Variants in NRG1 observed in about 807,000 individuals in gnomAD.
NRG1 encodes pro-neuregulin-1, membrane-bound isoform.
In NRG1, 18 loss-of-function variants were observed where a neutral mutation model predicts 63.8. The observed-to-expected ratio is 0.28, with a 90% CI of 0.19 to 0.42. NRG1 has a LOEUF of 0.42. NRG1 is among the 10% of genes least tolerant of loss of function. NRG1 has a pLI of 1.00. For synonymous variants in NRG1, 302 were observed against 301.3 expected, an observed-to-expected ratio of 1.00 and a Z score of -0.02; for missense variants, 762 against 814.7, an observed-to-expected ratio of 0.94 and a Z score of 0.79.
At chr8:32,409,112 G>A (rs1355696846) in intron 1 of NRG1, among the ~76,000 whole-genome samples, 2 of 152,024 alleles carry the variant, frequency 1.3e-5, no homozygotes, top group East Asian at 1.9e-4. Context: ...GTGTATATAC[G>A]TTACATTTTC....
intron 5 of NRG1, chr8:32,646,882 G>C: frequency 2.0e-6 from 2 of 984,488 alleles, no homozygotes; most frequent in Non-Finnish European, 2.4e-6. Flanking sequence ...GGTAGAGAGC[G>C]GGGAGTGGGG....
chr8:31,931,910 GC>G (rs1834897724), intron 1 of NRG1, among the ~76,000 whole-genome samples: 1 of 152,178 alleles, frequency 6.6e-6, no homozygotes, highest in African/African-American at 2.4e-5. Flanking sequence ...ATGTGAAGGA[GC>G]ACTGCTCTAA....
At chr8:32,120,045 C>T (rs1357411395) in intron 1 of NRG1, among the ~76,000 whole-genome samples, 2 of 151,980 alleles carry the variant, frequency 1.3e-5, no homozygotes, top group Non-Finnish European at 2.9e-5. Context: ...GTTTTCTCAG[C>T]TTTAAAATAA....
At chr8:31,831,348 C>T (rs1365584028) in intron 1 of NRG1, among the ~76,000 whole-genome samples, 1 of 152,044 alleles carries the variant, frequency 6.6e-6, no homozygotes, top group African/African-American at 2.4e-5. Context: ...AGTGATCTGC[C>T]CCCGTTGGCC....
rs183377698 is a variant in NRG1, at chr8:32,568,086, G to A, written c.100+19260G>A. Reference sequence around the variant, plus strand: ...TCCAGGTGTTTCCGTTATTCTTAAGGCCTAAGTATTATTAAAGCAGAAAAT... The same window carrying A: ...TCCAGGTGTTTCCGTTATTCTTAAGACCTAAGTATTATTAAAGCAGAAAAT... On this transcript the variant is annotated intron_variant, in intron 1 of 11. Transcript: ENST00000356819. 3.9e-3 allele frequency among the ~76,000 whole-genome samples: 588 copies of A among 152,316 alleles called. 1 individual carries two copies. The highest frequency in any genetic ancestry group is 0.01 in the Middle Eastern group (3 of 294).
intron 1 of NRG1, among the ~76,000 whole-genome samples, chr8:32,190,173 G>A (rs1472906759): frequency 2.0e-5 from 3 of 150,054 alleles, no homozygotes; most frequent in Non-Finnish European, 3.0e-5. Context: ...TTATCAAAAT[G>A]TATTATTATT....
intron 11 of NRG1, chr8:32,763,218 A>G (rs1314897966): frequency 6.2e-7 from 1 of 1,613,448 alleles, no homozygotes; most frequent in Non-Finnish European, 8.5e-7. Context: ...TTTTCATAAG[A>G]CATAACCTTA....
downstream of NRG1, among the ~76,000 whole-genome samples, chr8:32,771,347 A>T (rs1263488211): frequency 7.4e-6 from 1 of 135,030 alleles, no homozygotes; most frequent in Non-Finnish European, 1.5e-5. Flanking sequence ...GCTGGTCTTC[A>T]ATTCCTGGCC....
At chr8:32,122,698 T>A (rs1833613295) in intron 1 of NRG1, among the ~76,000 whole-genome samples, 1 of 151,882 alleles carries the variant, frequency 6.6e-6, no homozygotes, top group Non-Finnish European at 1.5e-5. Context: ...TATGTATACA[T>A]GTGCCATGCT....
chr8:32,180,893 T>A (rs1450376135), intron 1 of NRG1, among the ~76,000 whole-genome samples: 1 of 152,142 alleles, frequency 6.6e-6, no homozygotes, highest in Admixed American at 6.5e-5. Context: ...TTCACCAACA[T>A]CTCTGCATTT....
chr8:31,670,792 T>C (rs1807056009), intron 1 of NRG1, among the ~76,000 whole-genome samples: 1 of 152,176 alleles, frequency 6.6e-6, no homozygotes, highest in Admixed American at 6.5e-5. Flanking sequence ...CTTGGGTTTT[T>C]ATTTTTTTTC....
chr8:32,444,504 G>A (rs1009249033), intron 1 of NRG1, among the ~76,000 whole-genome samples: 6 of 152,156 alleles, frequency 3.9e-5, no homozygotes, highest in African/African-American at 1.4e-4. Flanking sequence ...CTGAATGGAT[G>A]AAACATGTTT....
chr8:32,430,833 C>G (rs963448361), intron 1 of NRG1, among the ~76,000 whole-genome samples: 2 of 150,404 alleles, frequency 1.3e-5, no homozygotes, highest in Non-Finnish European at 3.0e-5. Flanking sequence ...AACACTTTTC[C>G]CAATGTTTGT....
At chr8:31,895,435 T>G (rs2129614507) in intron 1 of NRG1, among the ~76,000 whole-genome samples, 1 of 152,356 alleles carries the variant, frequency 6.6e-6, no homozygotes, top group East Asian at 1.9e-4. Flanking sequence ...CATTTCCCCT[T>G]TGGCTTTGTT....
At chr8:32,358,273 C>A (rs7825189) in intron 1 of NRG1, among the ~76,000 whole-genome samples, 4 of 148,732 alleles carry the variant, frequency 2.7e-5, no homozygotes, top group African/African-American at 5.0e-5. Flanking sequence ...ACTTCTTTTA[C>A]GTGGGAGAGT....
intron 1 of NRG1, among the ~76,000 whole-genome samples, chr8:31,734,286 A>G (rs896261241): frequency 3.9e-5 from 6 of 152,216 alleles, no homozygotes; most frequent in African/African-American, 1.4e-4. Flanking sequence ...TGATCATGCC[A>G]CTGCACTCCA....
At chr8:32,605,512 G>C in intron 2 of NRG1, 50 bp from the exon 3 acceptor site, 1 of 1,604,198 alleles carries the variant, frequency 6.2e-7, no homozygotes, top group South Asian at 1.1e-5. Flanking sequence ...ATTTATATTT[G>C]TTGGATTTCT....
intron 1 of NRG1, among the ~76,000 whole-genome samples, chr8:32,243,928 T>C (rs1040270434): frequency 2.0e-5 from 3 of 152,182 alleles, no homozygotes; most frequent in Non-Finnish European, 4.4e-5. Flanking sequence ...TTCCTGCACA[T>C]TGATCCTCGA....
intron 1 of NRG1, among the ~76,000 whole-genome samples, chr8:32,178,241 CT>C (rs1841019310): frequency 6.6e-6 from 1 of 152,072 alleles, no homozygotes; most frequent in African/African-American, 2.4e-5. Context: ...AGTTAATAGT[CT>C]TCTATTTTAG....
Sources: gnomAD v4.1 joint callset for allele counts (sites outside exome capture counted in the v4.1 genomes callset) on GRCh38, gnomAD v4.1.1 for gene constraint, MANE v1.5 for transcripts, NCBI Gene and HGNC (gene_info 2026-07-23, HGNC 2026-07-21) for gene names.